The following PKN2 variants were observed in gnomAD, a reference collection of about 807,000 sequenced individuals.
The protein encoded by PKN2 is protein kinase N2, also known as serine/threonine-protein kinase N2.
Under a neutral mutation model 119.1 loss-of-function variants are expected in PKN2, and 38 were observed. That is an observed-to-expected ratio of 0.32 (90% CI 0.25 to 0.42). PKN2 has a LOEUF of 0.42. Among genes scored for constraint, PKN2 ranks in the 10% least tolerant of loss-of-function variants. The pLI, the probability that PKN2 is intolerant of heterozygous loss-of-function variation, is 1.00. For synonymous variants in PKN2, 390 were observed against 384.9 expected (o/e 1.01, Z -0.15); for missense variants, 850 against 1,165.1 (o/e 0.73, Z 3.94).
chr1:88,771,635 G>A (rs756047550), intron 5 of PKN2, 28 bp from the exon 6 acceptor site: 14 of 1,598,574 alleles, frequency 8.8e-6, no homozygotes, highest in Non-Finnish European at 1.2e-5. Flanking sequence ...TTATTTAAAT[G>A]ACAACAATTG....
At chr1:88,725,621 A>G (rs982565363) in intron 1 of PKN2, among the ~76,000 whole-genome samples, 2 of 152,182 alleles carry the variant, frequency 1.3e-5, no homozygotes, top group African/African-American at 4.8e-5. Flanking sequence ...AGTTATTTAT[A>G]TATTCCACAT....
At position 88,794,221 on chromosome 1, in the gene PKN2, G is replaced by A. The variant is rs1322627959; in HGVS notation, c.1281+8008G>A. Among the ~76,000 whole-genome samples the A allele has an allele frequency of 2.6e-5, 4 of 152,208 alleles. No homozygotes were observed. The East Asian group carries it at 7.7e-4, about 29-fold the overall frequency. On this transcript the variant is annotated intron_variant, in intron 8 of 21. Transcript: ENST00000370521. ...CATGTCTACTAAAAATACAGAATTA[G>A]CCAGGCATGGTGGCACATGCCTGTA...
intron 1 of PKN2, among the ~76,000 whole-genome samples, chr1:88,697,311 C>A (rs1666578733): frequency 6.6e-6 from 1 of 152,256 alleles, no homozygotes; most frequent in African/African-American, 2.4e-5. Flanking sequence ...AATAAATGAA[C>A]AGATTTTAAA....
rs546237505 is a variant in PKN2, at chr1:88,810,152, C to T, written c.2102+2377C>T. Among the ~76,000 whole-genome samples the T allele has an allele frequency of 3.3e-5, 5 of 150,004 alleles. No homozygotes were observed. The East Asian group carries it at 9.8e-4, about 29-fold the overall frequency. On this transcript the variant is annotated intron_variant, in intron 15 of 21. Coordinates refer to ENST00000370521, the MANE Select transcript of PKN2 (RefSeq NM_006256.4). ...TTTTTTTTTTTGAGACGGAGTTTTG[C>T]TCTTGTTGACCAAACTGGAGTGCAA...
At chr1:88,708,948 A>G (rs1160279177) in intron 1 of PKN2, among the ~76,000 whole-genome samples, 2 of 149,020 alleles carry the variant, frequency 1.3e-5, no homozygotes, top group African/African-American at 5.0e-5. Context: ...CTTTTCTCCC[A>G]GTTGTATTTT....
In PKN2 at chr1:88,708,087, C is replaced by T. The variant is rs1011846037; in HGVS notation, c.48+23459C>T. Among the ~76,000 whole-genome samples, 70 of 152,060 alleles carry T rather than the reference C, an allele frequency of 4.6e-4. 3 individuals are homozygous for T. On this transcript the variant is annotated intron_variant, in intron 1 of 21. Coordinates refer to ENST00000370521, the MANE Select transcript of PKN2 (RefSeq NM_006256.4). ...ACTAACACTAATGCAGATTGTTAAC[C>T]TAGAGAAAAAATGTTGAAATTATTC...
At chr1:88,818,345 G>T (rs1428704377) in intron 16 of PKN2, among the ~76,000 whole-genome samples, 6 of 152,120 alleles carry the variant, frequency 3.9e-5, no homozygotes, top group Non-Finnish European at 8.8e-5. Context: ...TTTCTTCACA[G>T]AATTAGAAAA....
At position 88,805,891 on chromosome 1, in the gene PKN2, T is replaced by C. The variant is rs786906; in HGVS notation, c.1677T>C (p.Ser559=). The change falls in exon 12 of 22, where the codon AGT becomes AGC. Residue 559 remains serine, a splice_region_variant and synonymous_variant. Transcript: ENST00000370521. ...GGTGAGTTACTTTATCTTCTATAAG[T>C]GATTCTACAGTAACCAAATTGGACT... ...VRIPQLAPPA[S]DSTVTKLDFD... 0.55 allele frequency: 885,680 copies of C among 1,613,366 alleles called. 246,194 individuals are homozygous for C. The highest frequency in any genetic ancestry group is 0.69 in the Middle Eastern group (4,212 of 6,062).
intron 15 of PKN2, among the ~76,000 whole-genome samples, chr1:88,813,122 TG>T (rs1671846545): frequency 6.6e-6 from 1 of 152,198 alleles, no homozygotes; most frequent in Non-Finnish European, 1.5e-5. Context: ...CAATTTTATA[TG>T]ATAAAAAATT....
At chr1:88,785,715 A>G (rs1670544737) in intron 7 of PKN2, among the ~76,000 whole-genome samples, 1 of 152,226 alleles carries the variant, frequency 6.6e-6, no homozygotes, top group Admixed American at 6.5e-5. Flanking sequence ...TCATGTGTAT[A>G]GAGAGAGGCT....
Position 88,688,938 on chromosome 1 carries a change from C to T in PKN2, c.48+4310C>T, listed in dbSNP as rs74343197. 1.9e-3 allele frequency among the ~76,000 whole-genome samples: 292 copies of T among 152,304 alleles called. 10 individuals carry two copies. In the East Asian group the frequency reaches 0.047, roughly 25 times the overall value. The stretch of plus-strand genomic sequence containing the variant: ...TTAATTTACATTTCTAATCCCTTCT[C>T]CCAAAAATATTCTCTTTAAAAGTAC... On this transcript the variant is annotated intron_variant, in intron 1 of 21. Transcript: ENST00000370521.
intron 1 of PKN2, among the ~76,000 whole-genome samples, chr1:88,698,504 G>A (rs1029552846): frequency 1.3e-5 from 2 of 152,106 alleles, no homozygotes; most frequent in African/African-American, 2.4e-5. Context: ...CCTAGACTTC[G>A]CCAAGTGCTT....
At chr1:88,700,124 A>ATATG (rs1329487276) in intron 1 of PKN2, among the ~76,000 whole-genome samples, 23 of 152,062 alleles carry the variant, frequency 1.5e-4, no homozygotes, top group African/African-American at 5.3e-4. Context: ...TCCATAGTGT[A>ATATG]TATGTACTAC....
At chr1:88,826,718 A>G (rs1262289276) in intron 18 of PKN2, among the ~76,000 whole-genome samples, 2 of 152,164 alleles carry the variant, frequency 1.3e-5, no homozygotes, top group South Asian at 2.1e-4. Flanking sequence ...CAGTTAACAA[A>G]TGACAGAACT....
In PKN2 at chr1:88,807,337, C is replaced by A; in HGVS notation, c.1828C>A (p.Gln610Lys). 2 of 1,577,274 alleles carry A rather than the reference C, an allele frequency of 1.3e-6. No individual in the cohort carries two copies. Among genetic ancestry groups the A allele is most frequent in the South Asian group, 2.3e-5 (2 of 87,312 alleles). ...GQDSETVFDIQNDRNSILPKS... is the reference protein window; with the variant it reads ...GQDSETVFDIKNDRNSILPKS... Reference sequence around the variant, plus strand: ...GGATTCAGAGACTGTTTTTGATATTCAGAATGACAGAAATAGTATACTTCC... The same window carrying A: ...GGATTCAGAGACTGTTTTTGATATTAAGAATGACAGAAATAGTATACTTCC... The change falls in exon 13 of 22, where the codon CAG (glutamine) becomes AAG (lysine). Residue 610 changes from glutamine to lysine, a missense_variant. Gln to Lys is a moderately conservative substitution (Grantham distance 53). This residue lies in a region of PKN2 where 216 missense variants were observed against 252.8 expected (regional missense o/e 0.85). Transcript: ENST00000370521.
chr1:88,782,560 T>A (rs1670389288), intron 6 of PKN2, among the ~76,000 whole-genome samples: 1 of 152,208 alleles, frequency 6.6e-6, no homozygotes, highest in Non-Finnish European at 1.5e-5. Flanking sequence ...CTTTGCTGTG[T>A]CTTCAAGGAC....
intron 2 of PKN2, among the ~76,000 whole-genome samples, chr1:88,758,564 T>C (rs868454576): frequency 2.0e-5 from 3 of 152,134 alleles, no homozygotes; most frequent in East Asian, 1.9e-4. Flanking sequence ...CCAGTGACTG[T>C]TGTTCTCCTC....
At chr1:88,758,460 A>G (rs1669307083) in intron 2 of PKN2, among the ~76,000 whole-genome samples, 1 of 152,024 alleles carries the variant, frequency 6.6e-6, no homozygotes, top group Non-Finnish European at 1.5e-5. Flanking sequence ...TTTATTATAC[A>G]GATTATTTTG....
In PKN2 at chr1:88,778,966, G is replaced by A. The variant is rs1032818794; in HGVS notation, c.986-5673G>A. On this transcript the variant is annotated intron_variant, in intron 6 of 21. Transcript: ENST00000370521. Reference sequence around the variant, plus strand: ...TCTCGATCTCCTGACCTTGTGATCCGCCCGCCTTGGTCTCCCAGAATGCTG... The same window carrying A: ...TCTCGATCTCCTGACCTTGTGATCCACCCGCCTTGGTCTCCCAGAATGCTG... Among the ~76,000 whole-genome samples the A allele has an allele frequency of 7.9e-5, 12 of 152,130 alleles. No individual in the cohort carries two copies. The East Asian group carries it at 9.6e-4, about 12-fold the overall frequency.
Sources: allele counts gnomAD v4.1 joint callset (sites outside exome capture counted in the v4.1 genomes callset), GRCh38; gene constraint gnomAD v4.1.1; regional missense constraint gnomAD v4.1.1; transcripts MANE v1.5; gene names NCBI Gene and HGNC (gene_info 2026-07-23, HGNC 2026-07-21).